Variants in BCAS3 observed in about 807,000 individuals in gnomAD.
BCAS3 encodes the protein BCAS3 microtubule associated cell migration factor.
In BCAS3, 53 loss-of-function variants were observed where a neutral mutation model predicts 116.1. That is an observed-to-expected ratio of 0.46 (90% CI 0.37 to 0.57). The LOEUF is 0.57. BCAS3 is among the 20% of genes least tolerant of loss of function. BCAS3 has a pLI of 0.00. For missense variants in BCAS3, 917 were observed against 1,165.4 expected (o/e 0.79, Z 3.10); for synonymous variants, 391 against 408.2 (o/e 0.96, Z 0.51).
intron 22 of BCAS3, among the ~76,000 whole-genome samples, chr17:61,092,877 C>CA (rs969630191): frequency 8.1e-6 from 1 of 124,112 alleles, no homozygotes; most frequent in Non-Finnish European, 1.7e-5. Flanking sequence ...TTTTCACAAA[C>CA]AAAAAAAATC....
Position 61,244,777 on chromosome 17 carries a change from G to A in BCAS3, c.2426-123550G>A, listed in dbSNP as rs2047798062. ...ACTTGGGAGAATGAGGCAGGAGAAT[G>A]GCATGAACCCAGGAGGCAGAGCTTG... On this transcript the variant is annotated intron_variant, in intron 22 of 23. Coordinates refer to ENST00000407086, the MANE Select transcript of BCAS3 (RefSeq NM_017679.5). This position sits in a 1 kb window ranked among gnomAD's most constrained non-coding sequence, Gnocchi z 4.9. Among the ~76,000 whole-genome samples the A allele has an allele frequency of 6.6e-6, 1 of 152,032 alleles. No homozygotes were observed. The highest frequency in any genetic ancestry group is 6.6e-5 in the Admixed American group (1 of 15,252).
chr17:61,277,101 A>C (rs34640944), intron 22 of BCAS3, among the ~76,000 whole-genome samples: 9,998 of 151,860 alleles, frequency 0.066, 438 homozygotes, highest in African/African-American at 0.12. Context: ...TGTCTCTTAT[A>C]GGAAAAAAAA....
intron 22 of BCAS3, chr17:61,086,803 AT>A: frequency 1.0e-6 from 1 of 985,422 alleles, no homozygotes; most frequent in Non-Finnish European, 1.2e-6. Context: ...AGCCTCATAG[AT>A]AAGGAATTGG....
intron 22 of BCAS3, among the ~76,000 whole-genome samples, chr17:61,183,485 C>T (rs372970772): frequency 1.0e-3 from 153 of 152,002 alleles, no homozygotes; most frequent in African/African-American, 3.5e-3. Context: ...GTACAAAGGA[C>T]TCATAAACAT....
intron 5 of BCAS3, among the ~76,000 whole-genome samples, chr17:60,719,860 G>A (rs2039047178): frequency 1.3e-5 from 2 of 152,180 alleles, no homozygotes; most frequent in Admixed American, 6.5e-5. Context: ...AAAAACCATG[G>A]TAAGTGGTTA....
rs1828190364 is a variant in BCAS3 at position 61,004,803 on chromosome 17, A to G, written c.1487-10948A>G. Among the ~76,000 whole-genome samples, 3 of 152,270 alleles carry G rather than the reference A, an allele frequency of 2.0e-5. No homozygotes were observed. The South Asian group carries it at 6.2e-4, about 32-fold the overall frequency. On this transcript the variant is annotated intron_variant, in intron 15 of 23. Transcript: ENST00000407086. The surrounding 1 kb of genome is among the most constrained non-coding windows in gnomAD (Gnocchi z 4.8). ...CACAAGAGGGAAATTACTATTTCAG[A>G]ATGGACCAAGGTGGAATTAACATGG...
At position 61,344,416 on chromosome 17, in the gene BCAS3, T is replaced by C. The variant is rs2057374538; in HGVS notation, c.2426-23911T>C. Among the ~76,000 whole-genome samples, 1 of 152,146 alleles carries C rather than the reference T, an allele frequency of 6.6e-6. No homozygotes were observed. The highest frequency in any genetic ancestry group is 2.4e-5 in the African/African-American group (1 of 41,426). On this transcript the variant is annotated intron_variant, in intron 22 of 23. Coordinates refer to ENST00000407086, the MANE Select transcript of BCAS3 (RefSeq NM_017679.5). The surrounding 1 kb of genome is among the most constrained non-coding windows in gnomAD (Gnocchi z 4.1). The stretch of plus-strand genomic sequence containing the variant: ...ACTTTCTTCCATCTGTGCACTGATG[T>C]TAGTGTCCCGTTGTCATTTAAGTCC...
At chr17:60,829,951 T>C (rs540217818) in intron 7 of BCAS3, among the ~76,000 whole-genome samples, 8 of 152,284 alleles carry the variant, frequency 5.3e-5, no homozygotes, top group African/African-American at 1.9e-4. Flanking sequence ...TCTTAATTTC[T>C]CTTCCTAGTA....
At chr17:61,299,165 C>T (rs1252745072) in intron 22 of BCAS3, among the ~76,000 whole-genome samples, 3 of 151,630 alleles carry the variant, frequency 2.0e-5, no homozygotes, top group East Asian at 4.0e-4. Flanking sequence ...TTCTGAGGGC[C>T]GGGCACAGTG....
Position 61,188,865 on chromosome 17 carries a change from C to T in BCAS3, c.2425+104301C>T, listed in dbSNP as rs1263165019. 2.0e-5 allele frequency among the ~76,000 whole-genome samples: 3 copies of T among 152,152 alleles called. No homozygotes were observed. Among genetic ancestry groups the T allele is most frequent in the Non-Finnish European group, 2.9e-5 (2 of 68,024 alleles). ...GTGGCTCATGCCTATAATCCCAGCA[C>T]GTTGGGAGGCTGAGGTGGGAGGAGC... On this transcript the variant is annotated intron_variant, in intron 22 of 23. Coordinates refer to ENST00000407086, the MANE Select transcript of BCAS3 (RefSeq NM_017679.5). The surrounding 1 kb of genome is among the most constrained non-coding windows in gnomAD (Gnocchi z 4.0).
chr17:60,781,306 A>G (rs1450207377), intron 6 of BCAS3, among the ~76,000 whole-genome samples: 1 of 151,908 alleles, frequency 6.6e-6, no homozygotes, highest in Non-Finnish European at 1.5e-5. Flanking sequence ...TTCTCAAAGA[A>G]AGAATTTTCC....
chr17:60,765,240 T>C (rs112773773), intron 6 of BCAS3, among the ~76,000 whole-genome samples: 6,114 of 152,288 alleles, frequency 0.04, 458 homozygotes, highest in African/African-American at 0.14. Context: ...ATTATGATGT[T>C]AGCTAGTTAT....
intron 6 of BCAS3, among the ~76,000 whole-genome samples, chr17:60,788,186 G>A (rs2046446706): frequency 6.6e-6 from 1 of 152,172 alleles, no homozygotes; most frequent in Non-Finnish European, 1.5e-5. Flanking sequence ...CAGCAGATGA[G>A]TTGATCATTA....
intron 22 of BCAS3, among the ~76,000 whole-genome samples, chr17:61,193,037 G>A (rs1441071549): frequency 1.1e-4 from 16 of 152,284 alleles, no homozygotes; most frequent in East Asian, 3.9e-4. Context: ...TGAGGCAGGC[G>A]GATCACCTGA....
At chr17:60,761,277 T>C (rs1568189638) in intron 6 of BCAS3, among the ~76,000 whole-genome samples, 1 of 152,166 alleles carries the variant, frequency 6.6e-6, no homozygotes. Flanking sequence ...GTTTGTTGCA[T>C]ATGTATACAT....
chr17:60,994,264 AT>A lies in BCAS3; in HGVS notation c.1486+4033del, dbSNP rs2063706849. Among the ~76,000 whole-genome samples, 1 of 152,042 alleles carries A rather than the reference AT, an allele frequency of 6.6e-6. No homozygotes were observed. The highest frequency in any genetic ancestry group is 1.9e-4 in the East Asian group (1 of 5,202). On this transcript the variant is annotated intron_variant, in intron 15 of 23. Transcript: ENST00000407086. The surrounding 1 kb of genome is among the most constrained non-coding windows in gnomAD (Gnocchi z 4.4). ...TACTTTGAAATTATGATTATATAAT[AT>A]TTTAGTATTAATTGATTATATACAT...
intron 14 of BCAS3, among the ~76,000 whole-genome samples, chr17:60,958,583 A>G (rs1228010271): frequency 6.6e-6 from 1 of 152,244 alleles, no homozygotes; most frequent in East Asian, 1.9e-4. Flanking sequence ...TTCTTGTGCT[A>G]GAATACTTAC....
rs2082483506 is a variant in BCAS3, at chr17:61,228,388, A to G, written c.2426-139939A>G. ...GACACATGGGTATGGTGTATTTTAAAAGGATTTAAAAGCACTAAAGTATAG... is the reference window on the plus strand; with the variant it reads ...GACACATGGGTATGGTGTATTTTAAGAGGATTTAAAAGCACTAAAGTATAG... On this transcript the variant is annotated intron_variant, in intron 22 of 23. Transcript: ENST00000407086. The surrounding 1 kb of genome is among the most constrained non-coding windows in gnomAD (Gnocchi z 5.0). Among the ~76,000 whole-genome samples, 1 of 152,182 alleles carries G rather than the reference A, an allele frequency of 6.6e-6. No homozygotes were observed. The highest frequency in any genetic ancestry group is 1.5e-5 in the Non-Finnish European group (1 of 68,042).
At position 61,235,963 on chromosome 17, in the gene BCAS3, C is replaced by T. The variant is rs962860247; in HGVS notation, c.2426-132364C>T. On this transcript the variant is annotated intron_variant, in intron 22 of 23. Transcript: ENST00000407086. This position sits in a 1 kb window ranked among gnomAD's most constrained non-coding sequence, Gnocchi z 5.0. ...CTCAAACAAAGGCTGATTATCCAAA[C>T]AAGAATTTGGACTGCAGCAGTCGGA... is the stretch of plus-strand genomic sequence containing the variant. 6.6e-6 allele frequency among the ~76,000 whole-genome samples: 1 copy of T among 152,178 alleles called. No homozygotes were observed.
Sources: allele counts gnomAD v4.1 joint callset (sites outside exome capture counted in the v4.1 genomes callset), GRCh38; gene constraint gnomAD v4.1.1; non-coding constraint Gnocchi (gnomAD v3.1); transcripts MANE v1.5; gene names NCBI Gene and HGNC (gene_info 2026-07-23, HGNC 2026-07-21).